The following PTPRT variants were observed in gnomAD, a reference collection of about 807,000 sequenced individuals.
The protein encoded by PTPRT is receptor-type tyrosine-protein phosphatase T.
Under a neutral mutation model 176.8 loss-of-function variants are expected in PTPRT, and 56 were observed. The observed-to-expected ratio is 0.32, with a 90% CI of 0.26 to 0.40. The LOEUF is 0.40. PTPRT is among the 10% of genes least tolerant of loss of function. The pLI is 1.00. For missense variants in PTPRT, 1,540 were observed against 1,908.2 expected (o/e 0.81, Z 3.60); for synonymous variants, 783 against 739.0 (o/e 1.06, Z -0.96).
intron 1 of PTPRT, among the ~76,000 whole-genome samples, chr20:43,132,408 T>C (rs1424744423): frequency 6.6e-6 from 1 of 152,196 alleles, no homozygotes; most frequent in Non-Finnish European, 1.5e-5. Flanking sequence ...GAATGAATTT[T>C]ACAAAATCAC....
chr20:42,373,486 G>T (rs1472856877), intron 9 of PTPRT, among the ~76,000 whole-genome samples: 1 of 152,026 alleles, frequency 6.6e-6, no homozygotes, highest in Admixed American at 6.5e-5. Context: ...ACTCCTTTTT[G>T]ATTGTCACAT....
chr20:42,812,762 A>T (rs749971422), intron 2 of PTPRT, among the ~76,000 whole-genome samples: 9 of 152,166 alleles, frequency 5.9e-5, no homozygotes, highest in Non-Finnish European at 1.3e-4. Context: ...AATTGGGAAT[A>T]CTAATTGTAT....
Position 42,161,419 on chromosome 20 carries a change from G to T in PTPRT, c.2615C>A (p.Ala872Asp). The change falls in exon 17 of 31, where the codon GCT becomes GAT. Residue 872 changes from alanine (A) to aspartate (D), a missense_variant. Coordinates refer to ENST00000373187, the MANE Select transcript of PTPRT (RefSeq NM_007050.6). ...CTGCGTGATGTGCTGCAGCAAGTCAGCCACCCGGATGGCGGGTTGGAACTG... is the reference window on the plus strand; with the variant it reads ...CTGCGTGATGTGCTGCAGCAAGTCATCCACCCGGATGGCGGGTTGGAACTG... Reference protein sequence around the residue: ...RDQFQPAIRVADLLQHITQMK... With the variant: ...RDQFQPAIRVDDLLQHITQMK... 1 of 1,614,162 alleles carries T rather than the reference G, an allele frequency of 6.2e-7. No homozygotes were observed. Among genetic ancestry groups the T allele is most frequent in the Non-Finnish European group, 8.5e-7 (1 of 1,180,030 alleles).
At chr20:42,147,025 A>C (rs1410615747) in intron 17 of PTPRT, among the ~76,000 whole-genome samples, 1 of 152,152 alleles carries the variant, frequency 6.6e-6, no homozygotes, top group Non-Finnish European at 1.5e-5. Context: ...ACCCCACTGC[A>C]TCCCCAGGTA....
chr20:42,176,891 T>A (rs1341285411), intron 16 of PTPRT, among the ~76,000 whole-genome samples: 2 of 147,708 alleles, frequency 1.4e-5, no homozygotes, highest in Non-Finnish European at 1.5e-5. Flanking sequence ...TGTGGGTGGA[T>A]AAAAGCTTCC....
chr20:42,495,101 A>C (rs1222009410), intron 7 of PTPRT, among the ~76,000 whole-genome samples: 1 of 152,108 alleles, frequency 6.6e-6, no homozygotes, highest in East Asian at 1.9e-4. Context: ...TAGACTCATA[A>C]ATTTCCAGAG....
At chr20:42,462,364 T>A (rs2071035178) in intron 8 of PTPRT, among the ~76,000 whole-genome samples, 1 of 151,992 alleles carries the variant, frequency 6.6e-6, no homozygotes, top group African/African-American at 2.4e-5. Flanking sequence ...GTTAGCGCAG[T>A]GGTGTGCAGC....
chr20:42,335,770 T>C (rs985171087), intron 11 of PTPRT, among the ~76,000 whole-genome samples: 1 of 152,156 alleles, frequency 6.6e-6, no homozygotes, highest in African/African-American at 2.4e-5. Context: ...GAAAAATGTA[T>C]GAATAGTTTA....
chr20:42,575,714 C>T (rs1334192557), intron 7 of PTPRT, among the ~76,000 whole-genome samples: 3 of 152,152 alleles, frequency 2.0e-5, no homozygotes, highest in Non-Finnish European at 4.4e-5. Context: ...ACATTTGATG[C>T]ATAGAAAACT....
chr20:42,904,431 T>G (rs1161052815), intron 1 of PTPRT, among the ~76,000 whole-genome samples: 1 of 152,194 alleles, frequency 6.6e-6, no homozygotes, highest in Admixed American at 6.5e-5. Context: ...TCCAGCTGGT[T>G]GCATGACCTT....
chr20:43,023,172 G>A (rs1342821663), intron 1 of PTPRT, among the ~76,000 whole-genome samples: 1 of 152,214 alleles, frequency 6.6e-6, no homozygotes, highest in Non-Finnish European at 1.5e-5. Flanking sequence ...CGAGTCTGCA[G>A]GACCAGACCC....
chr20:42,081,055 T>C (rs1280923438), intron 30 of PTPRT, 123 bp from the exon 31 acceptor site: 3 of 755,266 alleles, frequency 4.0e-6, no homozygotes, highest in African/African-American at 3.5e-5. Flanking sequence ...TCTATATCCA[T>C]ATTATGTCAA....
chr20:42,138,058 G>C (rs1226740548), intron 18 of PTPRT, among the ~76,000 whole-genome samples: 1 of 152,238 alleles, frequency 6.6e-6, no homozygotes, highest in African/African-American at 2.4e-5. Flanking sequence ...CCATCACCTA[G>C]AGGGCTTCTA....
At chr20:42,670,937 T>C (rs936182421) in intron 7 of PTPRT, among the ~76,000 whole-genome samples, 1 of 152,108 alleles carries the variant, frequency 6.6e-6, no homozygotes, top group African/African-American at 2.4e-5. Context: ...GAGCAAAACT[T>C]ACAAGTGGGT....
chr20:42,968,626 G>A (rs1191793602), intron 1 of PTPRT: 1 of 152,248 alleles, frequency 6.6e-6, no homozygotes, highest in African/African-American at 2.4e-5. Flanking sequence ...GCATTTCCTG[G>A]AGTTTCCGGG....
intron 9 of PTPRT, among the ~76,000 whole-genome samples, chr20:42,446,600 G>GTA (rs2070736367): frequency 6.7e-6 from 1 of 149,136 alleles, no homozygotes; most frequent in African/African-American, 2.6e-5. Context: ...GTGTGTGTGT[G>GTA]TGTGTGTGTG....
chr20:42,292,562 C>G (rs140446061), intron 12 of PTPRT, among the ~76,000 whole-genome samples: 2 of 152,092 alleles, frequency 1.3e-5, no homozygotes. Context: ...CAAGGTTACA[C>G]GTATAATAAG....
At chr20:42,904,778 C>G (rs919532105) in intron 1 of PTPRT, among the ~76,000 whole-genome samples, 1 of 152,156 alleles carries the variant, frequency 6.6e-6, no homozygotes, top group Non-Finnish European at 1.5e-5. Flanking sequence ...CTACAACCAT[C>G]TGATCTTTGA....
intron 11 of PTPRT, among the ~76,000 whole-genome samples, chr20:42,322,521 C>A (rs28841979): frequency 0.043 from 3,054 of 70,606 alleles, 171 homozygotes; most frequent in African/African-American, 0.12. Flanking sequence ...AGGATTCCCT[C>A]TCTAATAAAT....
Sources: allele counts gnomAD v4.1 joint callset (sites outside exome capture counted in the v4.1 genomes callset), GRCh38; gene constraint gnomAD v4.1.1; transcripts MANE v1.5; gene names NCBI Gene and HGNC (gene_info 2026-07-23, HGNC 2026-07-21).